Variants in LRRC7 observed in about 807,000 individuals in gnomAD.
LRRC7 encodes the protein leucine-rich repeat-containing protein 7.
Under a neutral mutation model 175.7 loss-of-function variants are expected in LRRC7, and 23 were observed. The ratio of observed to expected loss-of-function variants is 0.13; its 90% CI spans 0.09 to 0.19. The LOEUF (loss-of-function observed/expected upper bound fraction) is 0.19. Ranked by LOEUF, LRRC7 falls within the 10% of genes least tolerant of loss-of-function variation. The probability of loss-of-function intolerance (pLI) is 1.00; values close to 1 mark genes in which losing one functional copy is unlikely to be tolerated. For missense variants in LRRC7, 1,354 were observed against 1,904.7 expected (o/e 0.71, Z 5.38); for synonymous variants, 685 against 680.9 (o/e 1.01, Z -0.09).
At chr1:69,634,861 A>G (rs189313283) in intron 1 of LRRC7, among the ~76,000 whole-genome samples, 3 of 152,264 alleles carry the variant, frequency 2.0e-5, no homozygotes, top group African/African-American at 7.2e-5. Flanking sequence ...TGAAGCACAC[A>G]TAAAAGAAAA....
At chr1:70,016,121 A>G (rs1656941877) in intron 13 of LRRC7, among the ~76,000 whole-genome samples, 1 of 152,162 alleles carries the variant, frequency 6.6e-6, no homozygotes, top group African/African-American at 2.4e-5. Flanking sequence ...TAAGGGAGAG[A>G]GTATGCCAGA....
intron 1 of LRRC7, among the ~76,000 whole-genome samples, chr1:69,623,749 C>T (rs1178648524): frequency 6.6e-6 from 1 of 152,094 alleles, no homozygotes; most frequent in Non-Finnish European, 1.5e-5. Flanking sequence ...AGGGCCACTC[C>T]AAGTTGGTCA....
chr1:69,959,384 A>T (rs1650822390), intron 8 of LRRC7, among the ~76,000 whole-genome samples: 1 of 152,104 alleles, frequency 6.6e-6, no homozygotes, highest in Admixed American at 6.6e-5. Context: ...CCTATCAGTG[A>T]TATATCAATA....
intron 25 of LRRC7, among the ~76,000 whole-genome samples, chr1:70,097,438 G>A (rs574045089): frequency 1.3e-5 from 2 of 152,132 alleles, no homozygotes; most frequent in African/African-American, 4.8e-5. Context: ...GTTAAAGAAA[G>A]TTTCACTGAA....
chr1:69,783,328 G>A (rs1569829693), intron 3 of LRRC7, among the ~76,000 whole-genome samples: 1 of 152,336 alleles, frequency 6.6e-6, no homozygotes, highest in East Asian at 1.9e-4. Context: ...GACCCAGCTA[G>A]AGTGAGAGAG....
chr1:69,823,858 A>G (rs1170258615), intron 4 of LRRC7, among the ~76,000 whole-genome samples: 1 of 152,092 alleles, frequency 6.6e-6, no homozygotes, highest in Non-Finnish European at 1.5e-5. Flanking sequence ...TATAATCACT[A>G]TTTTTCAGAG....
At chr1:69,672,962 A>G (rs535798481) in intron 1 of LRRC7, among the ~76,000 whole-genome samples, 18 of 152,146 alleles carry the variant, frequency 1.2e-4, no homozygotes, top group Non-Finnish European at 2.4e-4. Flanking sequence ...TTCATTTTTG[A>G]TAATTTCTAT....
intron 2 of LRRC7, among the ~76,000 whole-genome samples, chr1:69,747,921 T>C (rs1392354625): frequency 6.6e-6 from 1 of 152,156 alleles, no homozygotes; most frequent in Admixed American, 6.6e-5. Flanking sequence ...CATTCACACA[T>C]GCCTTTAACT....
chr1:69,856,906 T>A (rs1054090436), intron 7 of LRRC7, among the ~76,000 whole-genome samples: 1 of 152,136 alleles, frequency 6.6e-6, no homozygotes, highest in African/African-American at 2.4e-5. Context: ...ATCAAAAAGC[T>A]TATCCACCAT....
At chr1:69,680,482 G>T (rs1189578985) in intron 2 of LRRC7, among the ~76,000 whole-genome samples, 1 of 152,062 alleles carries the variant, frequency 6.6e-6, no homozygotes, top group Non-Finnish European at 1.5e-5. Flanking sequence ...GACGATCAGG[G>T]AAGTCTTTGA....
At chr1:69,611,912 A>G (rs1248140069) in intron 1 of LRRC7, among the ~76,000 whole-genome samples, 1 of 151,992 alleles carries the variant, frequency 6.6e-6, no homozygotes, top group African/African-American at 2.4e-5. Context: ...ATATTTTACC[A>G]TTTTCTGCAT....
At chr1:70,106,005 T>A (rs1239113458) in intron 25 of LRRC7, among the ~76,000 whole-genome samples, 1 of 152,086 alleles carries the variant, frequency 6.6e-6, no homozygotes, top group Non-Finnish European at 1.5e-5. Context: ...TACACACACA[T>A]ATACACACAC....
At chr1:69,951,815 C>A (rs997609055) in intron 8 of LRRC7, among the ~76,000 whole-genome samples, 1 of 151,828 alleles carries the variant, frequency 6.6e-6, no homozygotes, top group African/African-American at 2.4e-5. Context: ...GAAGGGAGAA[C>A]AGAAAAGATA....
rs678674 is a variant in LRRC7, at chr1:70,125,717, A to G, written c.*3830A>G. On this transcript the variant is annotated 3_prime_UTR_variant, in exon 27 of 27. Transcript: ENST00000651989. ...TGAGGCAGGAGAATGGCGTGAACCC[A>G]GGAGGCGGAGCTTGCAGTGAGCCGA... Among the ~76,000 whole-genome samples the G allele has an allele frequency of 0.72, 100,786 of 139,280 alleles. 36,573 individuals are homozygous for G. Among genetic ancestry groups the G allele is most frequent in the Middle Eastern group, 0.78 (221 of 282 alleles). The allele number at this position is 139,280 out of a possible 152,430, so 91.4% of individuals were successfully genotyped here.
At chr1:70,096,728 T>C (rs991256529) in intron 25 of LRRC7, among the ~76,000 whole-genome samples, 7 of 152,048 alleles carry the variant, frequency 4.6e-5, no homozygotes, top group African/African-American at 9.7e-5. Flanking sequence ...AAAAGACCCA[T>C]GATATGTTCG....
At chr1:70,052,044 G>C (rs574415725) in intron 22 of LRRC7, among the ~76,000 whole-genome samples, 1 of 151,968 alleles carries the variant, frequency 6.6e-6, no homozygotes, top group Admixed American at 6.6e-5. Flanking sequence ...TTTATCAGTA[G>C]GGATCCTTTA....
intron 4 of LRRC7, among the ~76,000 whole-genome samples, chr1:69,799,193 A>T (rs1242879035): frequency 2.0e-5 from 3 of 151,628 alleles, no homozygotes; most frequent in African/African-American, 4.8e-5. Flanking sequence ...GTCATAAAGA[A>T]GTTGCCAATT....
At chr1:69,617,613 A>G (rs909279739) in intron 1 of LRRC7, among the ~76,000 whole-genome samples, 2 of 149,464 alleles carry the variant, frequency 1.3e-5, no homozygotes, top group Non-Finnish European at 3.0e-5. Flanking sequence ...GGAGTCTACA[A>G]GTGGAGGAAA....
chr1:70,018,888 A>G, intron 15 of LRRC7, 70 bp downstream of exon 15: 1 of 1,199,776 alleles, frequency 8.3e-7, no homozygotes, highest in East Asian at 2.4e-5. Flanking sequence ...TTTTATTCAG[A>G]TCTCTGGCCA....
Sources: gnomAD v4.1 joint callset for allele counts (sites outside exome capture counted in the v4.1 genomes callset) on GRCh38, gnomAD v4.1.1 for gene constraint, MANE v1.5 for transcripts, NCBI Gene and HGNC (gene_info 2026-07-23, HGNC 2026-07-21) for gene names.